The following GMDS variants were observed in gnomAD, a reference collection of about 807,000 sequenced individuals.
GMDS encodes GDP-mannose 4,6 dehydratase.
Under a neutral mutation model 49.9 loss-of-function variants are expected in GMDS, and 20 were observed. That is an observed-to-expected ratio of 0.40 (90% CI 0.28 to 0.58). The LOEUF (loss-of-function observed/expected upper bound fraction) is 0.58. Among genes scored for constraint, GMDS ranks in the 20% least tolerant of loss-of-function variants. The probability of loss-of-function intolerance (pLI) is 0.42; values close to 1 mark genes in which losing one functional copy is unlikely to be tolerated. For synonymous variants in GMDS, 177 were observed against 178.6 expected (o/e 0.99, Z 0.07); for missense variants, 362 against 481.4 (o/e 0.75, Z 2.32).
chr6:2,145,354 G>A (rs1776499617), intron 1 of GMDS, among the ~76,000 whole-genome samples: 1 of 151,960 alleles, frequency 6.6e-6, no homozygotes, highest in Non-Finnish European at 1.5e-5. Context: ...GGCCAACAGG[G>A]TGAAACCCCA....
chr6:1,923,401 C>A (rs116265278), intron 7 of GMDS, among the ~76,000 whole-genome samples: 3 of 152,332 alleles, frequency 2.0e-5, no homozygotes, highest in Admixed American at 1.3e-4. Flanking sequence ...TGTCCACAGA[C>A]GGCAGAGCTA....
intron 7 of GMDS, among the ~76,000 whole-genome samples, chr6:1,839,108 C>A (rs1757045849): frequency 1.3e-5 from 2 of 151,762 alleles, no homozygotes; most frequent in South Asian, 4.2e-4. Context: ...TTGGCTACAG[C>A]ACTGGTTGGT....
At chr6:1,685,988 T>C (rs147942908) in intron 9 of GMDS, among the ~76,000 whole-genome samples, 3 of 152,324 alleles carry the variant, frequency 2.0e-5, no homozygotes, top group African/African-American at 4.8e-5. Flanking sequence ...TGGGTGATCA[T>C]GCCATAAAGC....
At chr6:1,827,785 C>T (rs1377294395) in intron 7 of GMDS, among the ~76,000 whole-genome samples, 1 of 152,058 alleles carries the variant, frequency 6.6e-6, no homozygotes, top group Non-Finnish European at 1.5e-5. Context: ...ACAGACACAC[C>T]CTACAACAGT....
At chr6:2,073,847 A>G (rs929405071) in intron 4 of GMDS, among the ~76,000 whole-genome samples, 6 of 152,152 alleles carry the variant, frequency 3.9e-5, no homozygotes, top group African/African-American at 1.4e-4. Flanking sequence ...TTCTTTCATT[A>G]TGTTTTACGG....
chr6:1,647,392 T>C (rs1763516612), intron 9 of GMDS, among the ~76,000 whole-genome samples: 1 of 151,900 alleles, frequency 6.6e-6, no homozygotes, highest in South Asian at 2.1e-4. Flanking sequence ...AAGCAGCTTC[T>C]CCCCACCCCC....
At chr6:2,204,407 T>C (rs1442027582) in intron 1 of GMDS, among the ~76,000 whole-genome samples, 1 of 152,202 alleles carries the variant, frequency 6.6e-6, no homozygotes, top group Non-Finnish European at 1.5e-5. Context: ...ACCCTTTCAC[T>C]CATTCAACTA....
chr6:1,808,848 TA>T (rs1243930332), intron 7 of GMDS, among the ~76,000 whole-genome samples: 2 of 152,042 alleles, frequency 1.3e-5, no homozygotes, highest in East Asian at 1.9e-4. Flanking sequence ...AGTAATTTTT[TA>T]AAAAAAATCC....
At chr6:2,160,498 A>G (rs1213897766) in intron 1 of GMDS, among the ~76,000 whole-genome samples, 2 of 152,250 alleles carry the variant, frequency 1.3e-5, no homozygotes, top group African/African-American at 4.8e-5. Context: ...TTCTTTTTAA[A>G]GACAAATTTT....
At chr6:1,959,832 C>T (rs1243151093) in intron 6 of GMDS, 35 bp downstream of exon 6, 2 of 1,253,354 alleles carry the variant, frequency 1.6e-6, no homozygotes, top group South Asian at 1.3e-5. Context: ...TTGTTCAAGT[C>T]TGAAATTCTC....
intron 1 of GMDS, among the ~76,000 whole-genome samples, chr6:2,140,978 T>C (rs919024269): frequency 1.3e-5 from 2 of 152,168 alleles, no homozygotes; most frequent in African/African-American, 4.8e-5. Context: ...TGAGGGATGC[T>C]GACAAACTAA....
chr6:2,177,796 A>G (rs1383524260), intron 1 of GMDS, among the ~76,000 whole-genome samples: 1 of 152,184 alleles, frequency 6.6e-6, no homozygotes, highest in Non-Finnish European at 1.5e-5. Flanking sequence ...GACAGTCCCA[A>G]AAGAAAATAA....
chr6:1,659,747 G>A (rs895728960), intron 9 of GMDS, among the ~76,000 whole-genome samples: 6 of 151,970 alleles, frequency 3.9e-5, no homozygotes, highest in African/African-American at 1.5e-4. Flanking sequence ...AACTTCAATG[G>A]TTCTCTCAGC....
chr6:2,245,339 G>T lies in GMDS; in HGVS notation c.84C>A (p.Ile28=). 6.4e-7 allele frequency: 1 copy of T among 1,551,538 alleles called. No individual in the cohort carries two copies. The highest frequency in any genetic ancestry group is 8.7e-7 in the Non-Finnish European group (1 of 1,153,186). ...CACTCACCTGGCCTGTGATACCGGT[G>T]ATGAGCGCCACGTTCCTGGGCTTGC... is the stretch of plus-strand genomic sequence containing the variant. ...EMGKPRNVAL[I]TGITGQDGSY... is the part of the protein sequence containing the mutation. Residue 28 remains isoleucine (I), a synonymous_variant, in exon 1 of 11, where the codon ATC becomes ATA. Coordinates refer to ENST00000380815, the MANE Select transcript of GMDS (RefSeq NM_001500.4).
intron 9 of GMDS, among the ~76,000 whole-genome samples, chr6:1,631,420 A>G (rs1468543616): frequency 2.0e-5 from 3 of 152,150 alleles, no homozygotes; most frequent in African/African-American, 7.2e-5. Flanking sequence ...CCTGAATTGC[A>G]TAAGAGGAAG....
intron 4 of GMDS, among the ~76,000 whole-genome samples, chr6:1,985,050 A>C (rs991058310): frequency 2.6e-5 from 4 of 152,190 alleles, no homozygotes; most frequent in African/African-American, 9.7e-5. Context: ...TTAAAATCCA[A>C]TGCAGAGGCA....
chr6:1,663,028 G>A (rs1764129434), intron 9 of GMDS, among the ~76,000 whole-genome samples: 1 of 152,134 alleles, frequency 6.6e-6, no homozygotes, highest in Non-Finnish European at 1.5e-5. Flanking sequence ...TAAGGGGTTT[G>A]ACCTTTCTGT....
At chr6:2,231,772 C>G (rs1416992844) in intron 1 of GMDS, among the ~76,000 whole-genome samples, 1 of 152,064 alleles carries the variant, frequency 6.6e-6, no homozygotes, top group African/African-American at 2.4e-5. Flanking sequence ...CACTCTAGAT[C>G]ATTTATATAT....
At chr6:2,095,739 C>T (rs1773564329) in intron 4 of GMDS, among the ~76,000 whole-genome samples, 1 of 152,074 alleles carries the variant, frequency 6.6e-6, no homozygotes, top group Admixed American at 6.5e-5. Context: ...TGGATGAAAC[C>T]TTGGAAGTCA....
Sources: allele counts gnomAD v4.1 joint callset (sites outside exome capture counted in the v4.1 genomes callset), GRCh38; gene constraint gnomAD v4.1.1; transcripts MANE v1.5; gene names NCBI Gene and HGNC (gene_info 2026-07-23, HGNC 2026-07-21).